The following C10orf90 variants were observed in gnomAD, a reference collection of about 807,000 sequenced individuals.
C10orf90 encodes chromosome 10 open reading frame 90.
Under a neutral mutation model 62.5 loss-of-function variants are expected in C10orf90, and 56 were observed. That is an observed-to-expected ratio of 0.90 (90% CI 0.72 to 1.12). The LOEUF is 1.12. C10orf90 is among the 50% of genes most tolerant of loss of function. C10orf90 has a pLI of 0.00. For synonymous variants in C10orf90, 386 were observed against 340.4 expected (o/e 1.13, Z -1.47); for missense variants, 970 against 880.4 (o/e 1.10, Z -1.29).
chr10:126,486,753 A>G (rs1243736560), intron 4 of C10orf90, among the ~76,000 whole-genome samples: 1 of 152,200 alleles, frequency 6.6e-6, no homozygotes, highest in Admixed American at 6.5e-5. Context: ...GTGAAGTAGA[A>G]TATTAATCTA....
At chr10:126,668,130 G>A (rs1034401480) in intron 1 of C10orf90, among the ~76,000 whole-genome samples, 1 of 152,134 alleles carries the variant, frequency 6.6e-6, no homozygotes, top group African/African-American at 2.4e-5. Flanking sequence ...TGAGTCTGTA[G>A]GTTTTACACT....
In C10orf90 at chr10:126,646,578, A is replaced by T. The variant is rs1406244339; in HGVS notation, c.300T>A (p.Ser100Arg). The change falls in exon 2 of 10, where the codon AGT becomes AGA. Residue 100 changes from serine (S) to arginine (R), a missense_variant. Ser to Arg is a moderately radical substitution (Grantham distance 110). Transcript: ENST00000488181. ...KDHSAWERNE[S>R]LSNAGLRDSY... is the part of the protein sequence containing the mutation. ...CCAGTCCTTTACCTGCATTGGAAAG[A>T]CTTTCATTTCTTTCCCAGGCAGAAT... 4.4e-6 allele frequency: 2 copies of T among 450,724 alleles called. No individual in the cohort carries two copies. The highest frequency in any genetic ancestry group is 8.9e-6 in the Non-Finnish European group (2 of 224,654). The allele number at this position is 450,724 out of a possible 1,614,324, so 27.9% of individuals were successfully genotyped here. A position where few individuals can be genotyped will look rare whatever the true frequency, so the allele number is the denominator to read the frequency against.
rs560453837 is a variant in C10orf90, at chr10:126,603,811, G to T, written c.313+42754C>A. 2.6e-5 allele frequency among the ~76,000 whole-genome samples: 4 copies of T among 152,242 alleles called. No individual in the cohort carries two copies. The East Asian group carries it at 7.7e-4, about 29-fold the overall frequency. ...GCCGAAAAGGCCTCACAGTGGTGTG[G>T]TTGAATCAATACAAACATTAGAATG... On this transcript the variant is annotated intron_variant, in intron 2 of 9. Coordinates refer to ENST00000488181, the MANE Select transcript of C10orf90 (RefSeq NM_001350921.2).
At chr10:126,629,906 C>T (rs1198586395) in intron 2 of C10orf90, among the ~76,000 whole-genome samples, 1 of 152,178 alleles carries the variant, frequency 6.6e-6, no homozygotes, top group East Asian at 1.9e-4. Context: ...GGTCTCCAGA[C>T]CCCAATGATC....
At chr10:126,662,433 T>A (rs1465887749) in intron 1 of C10orf90, among the ~76,000 whole-genome samples, 1 of 152,190 alleles carries the variant, frequency 6.6e-6, no homozygotes, top group African/African-American at 2.4e-5. Flanking sequence ...ACAGCACAGA[T>A]TAATTTTCAG....
At chr10:126,442,433 A>G (rs1858402828) in intron 7 of C10orf90, among the ~76,000 whole-genome samples, 1 of 132,522 alleles carries the variant, frequency 7.5e-6, no homozygotes, top group Non-Finnish European at 1.6e-5. Context: ...GACCTAAGAA[A>G]TGAGACAGAC....
At chr10:126,512,372 C>CTGTGTGTGTGTGTCTGTGTG in intron 3 of C10orf90, among the ~76,000 whole-genome samples, 2 of 65,010 alleles carry the variant, frequency 3.1e-5, no homozygotes, top group South Asian at 7.4e-4. Context: ...GTATGTGTGT[C>CTGTGTGTGTGTGTCTGTGTG]TGTGTGTGTG....
At chr10:126,538,239 G>A (rs1816561) in intron 2 of C10orf90, among the ~76,000 whole-genome samples, 77,803 of 151,870 alleles carry the variant, frequency 0.51, 20,222 homozygotes, top group Admixed American at 0.6. Context: ...CTTACTAACT[G>A]TCATGAGAAC....
rs192263581 is a variant in C10orf90, at chr10:126,625,593, G to C, written c.313+20972C>G. Among the ~76,000 whole-genome samples, 38 of 152,338 alleles carry C rather than the reference G, an allele frequency of 2.5e-4. 1 individual carries two copies. The highest frequency in any genetic ancestry group is 8.4e-4 in the African/African-American group (35 of 41,582). Reference sequence around the variant, plus strand: ...TGACAGGAGAAACTCTGAGCGCAGAGCAAGAGGAGAGGCAGTGCAGGCTGA... The same window carrying C: ...TGACAGGAGAAACTCTGAGCGCAGACCAAGAGGAGAGGCAGTGCAGGCTGA... On this transcript the variant is annotated intron_variant, in intron 2 of 9. Coordinates refer to ENST00000488181, the MANE Select transcript of C10orf90 (RefSeq NM_001350921.2).
chr10:126,635,073 G>A (rs1413083282), intron 2 of C10orf90, among the ~76,000 whole-genome samples: 1 of 152,144 alleles, frequency 6.6e-6, no homozygotes, highest in Non-Finnish European at 1.5e-5. Flanking sequence ...CACCCTTACA[G>A]ATTGTTTCCC....
chr10:126,483,212 A>C (rs1318710614), intron 4 of C10orf90, among the ~76,000 whole-genome samples: 1 of 152,282 alleles, frequency 6.6e-6, no homozygotes, highest in African/African-American at 2.4e-5. Context: ...AAGGCAAACC[A>C]AGAGCATTTC....
At chr10:126,624,880 T>A (rs889690695) in intron 2 of C10orf90, among the ~76,000 whole-genome samples, 1 of 152,152 alleles carries the variant, frequency 6.6e-6, no homozygotes, top group Non-Finnish European at 1.5e-5. Context: ...ACACAGAACG[T>A]GGCAAGCTAG....
chr10:126,458,884 G>T (rs560875408), intron 7 of C10orf90, among the ~76,000 whole-genome samples, 156 bp downstream of exon 7: 2 of 152,288 alleles, frequency 1.3e-5, no homozygotes, highest in Admixed American at 1.3e-4. Flanking sequence ...CCAAGAACAG[G>T]ATTTATGATG....
At chr10:126,489,660 A>C (rs973582859) in intron 4 of C10orf90, among the ~76,000 whole-genome samples, 5 of 152,070 alleles carry the variant, frequency 3.3e-5, no homozygotes, top group Admixed American at 6.6e-5. Context: ...TGGAAAACAG[A>C]ATAACAGTTC....
intron 4 of C10orf90, among the ~76,000 whole-genome samples, chr10:126,495,097 G>C (rs1347829150): frequency 2.0e-5 from 3 of 152,188 alleles, no homozygotes; most frequent in Non-Finnish European, 4.4e-5. Flanking sequence ...CTTCTGCTAG[G>C]TTACCCTGAC....
At chr10:126,570,029 C>T (rs746193204) in intron 2 of C10orf90, among the ~76,000 whole-genome samples, 2 of 152,228 alleles carry the variant, frequency 1.3e-5, no homozygotes, top group African/African-American at 2.4e-5. Flanking sequence ...GAGGCAACAG[C>T]ATGCAATCTA....
chr10:126,552,830 A>C (rs1864667051), intron 2 of C10orf90, among the ~76,000 whole-genome samples: 1 of 152,250 alleles, frequency 6.6e-6, no homozygotes, highest in African/African-American at 2.4e-5. Context: ...TTAGGAATAA[A>C]ACCAATATCT....
intron 2 of C10orf90, among the ~76,000 whole-genome samples, chr10:126,556,154 C>A (rs1051715744): frequency 6.6e-6 from 1 of 152,170 alleles, no homozygotes; most frequent in African/African-American, 2.4e-5. Flanking sequence ...AATGTGGGAA[C>A]CAAAATGGCC....
chr10:126,516,146 A>C (rs1863427019), intron 2 of C10orf90, among the ~76,000 whole-genome samples: 1 of 152,230 alleles, frequency 6.6e-6, no homozygotes, highest in Non-Finnish European at 1.5e-5. Context: ...AGGCCGACCT[A>C]CAGTGGATGG....
Sources: allele counts gnomAD v4.1 joint callset (sites outside exome capture counted in the v4.1 genomes callset), GRCh38; gene constraint gnomAD v4.1.1; transcripts MANE v1.5; gene names NCBI Gene and HGNC (gene_info 2026-07-23, HGNC 2026-07-21).